NRXN1: variants seen among roughly 807,000 people sequenced by gnomAD.
The protein encoded by NRXN1 is neurexin 1, also known as neurexin-1.
Under a neutral mutation model 150.9 loss-of-function variants are expected in NRXN1, and 39 were observed. The observed-to-expected ratio is 0.26, with a 90% CI of 0.20 to 0.34. The LOEUF (loss-of-function observed/expected upper bound fraction) is 0.34, where lower values mean the gene tolerates loss of function less well. NRXN1 is among the 10% of genes least tolerant of loss of function. The pLI is 1.00. For synonymous variants in NRXN1, 924 were observed against 757.0 expected (o/e 1.22, Z -3.62); for missense variants, 1,815 against 1,949.9 (o/e 0.93, Z 1.30).
At chr2:50,418,209 C>T (rs143924493) in intron 17 of NRXN1, among the ~76,000 whole-genome samples, 1 of 152,040 alleles carries the variant, frequency 6.6e-6, no homozygotes, top group East Asian at 1.9e-4. Flanking sequence ...TCACTGAGCA[C>T]GTGCCTCTTC....
At chr2:50,154,411 G>T (rs2058888204) in intron 18 of NRXN1, among the ~76,000 whole-genome samples, 1 of 151,318 alleles carries the variant, frequency 6.6e-6, no homozygotes, top group South Asian at 2.1e-4. Flanking sequence ...AAGAAGCATG[G>T]GAATTGTAAA....
At chr2:50,246,923 T>C (rs528321002) in intron 17 of NRXN1, among the ~76,000 whole-genome samples, 1 of 152,114 alleles carries the variant, frequency 6.6e-6, no homozygotes, top group Non-Finnish European at 1.5e-5. Context: ...GGTATCCTTA[T>C]AAAAAATTAT....
chr2:50,791,589 T>A (rs910101503), intron 5 of NRXN1, among the ~76,000 whole-genome samples: 1 of 152,138 alleles, frequency 6.6e-6, no homozygotes. Flanking sequence ...ACACTGGAGA[T>A]CACAGAAGAC....
intron 4 of NRXN1, among the ~76,000 whole-genome samples, chr2:50,922,162 G>A (rs995864132): frequency 1.3e-5 from 2 of 151,822 alleles, no homozygotes; most frequent in African/African-American, 4.8e-5. Context: ...ATAAATCTAC[G>A]TAGAGAAAGT....
chr2:50,286,502 T>C (rs72823100), intron 17 of NRXN1, among the ~76,000 whole-genome samples: 9 of 152,330 alleles, frequency 5.9e-5, no homozygotes, highest in Non-Finnish European at 8.8e-5. Flanking sequence ...GTTGTGTATA[T>C]ATACCTTTTT....
intron 5 of NRXN1, among the ~76,000 whole-genome samples, chr2:50,693,196 T>C (rs1692317241): frequency 1.3e-5 from 2 of 152,076 alleles, no homozygotes; most frequent in African/African-American, 2.4e-5. Context: ...AAGGAGAGAA[T>C]ACAAAAGGAA....
intron 18 of NRXN1, among the ~76,000 whole-genome samples, chr2:50,149,819 T>C (rs998548756): frequency 2.6e-5 from 4 of 151,630 alleles, no homozygotes; most frequent in South Asian, 2.1e-4. Flanking sequence ...AAAGCAGTAG[T>C]TCTGACTCAA....
At chr2:50,160,748 G>A (rs887185864) in intron 18 of NRXN1, among the ~76,000 whole-genome samples, 1 of 152,184 alleles carries the variant, frequency 6.6e-6, no homozygotes, top group South Asian at 2.1e-4. Context: ...GGTCAGGTTT[G>A]TAATCTTTTC....
intron 17 of NRXN1, among the ~76,000 whole-genome samples, chr2:50,422,239 T>C (rs992301308): frequency 3.3e-5 from 5 of 152,144 alleles, no homozygotes; most frequent in Admixed American, 1.3e-4. Context: ...GAGGCTCTAA[T>C]TGCACACAAT....
chr2:50,592,327 A>G (rs562583225), intron 8 of NRXN1, among the ~76,000 whole-genome samples: 16 of 152,380 alleles, frequency 1.1e-4, no homozygotes, highest in African/African-American at 3.8e-4. Context: ...AGAGTGATCT[A>G]AACAGCCTGA....
chr2:50,392,060 T>C (rs2081748637), intron 17 of NRXN1, among the ~76,000 whole-genome samples: 1 of 152,188 alleles, frequency 6.6e-6, no homozygotes, highest in South Asian at 2.1e-4. Flanking sequence ...ATGATAATCA[T>C]TGAGGTGTCC....
Position 50,222,240 on chromosome 2 carries a change from T to C in NRXN1, c.3546+14549A>G, listed in dbSNP as rs569798616. On this transcript the variant is annotated intron_variant, in intron 18 of 22. Coordinates refer to ENST00000401669, the MANE Select transcript of NRXN1 (RefSeq NM_001330078.2). ...ACCTCCTTGGCCTACTGCTGCTTCA[T>C]GAATGCTGCCAGAATAGGGGAAAGT... is the stretch of plus-strand genomic sequence containing the variant. 2.6e-5 allele frequency among the ~76,000 whole-genome samples: 4 copies of C among 152,100 alleles called. No individual in the cohort carries two copies. The East Asian group carries it at 7.8e-4, about 30-fold the overall frequency.
intron 9 of NRXN1, among the ~76,000 whole-genome samples, chr2:50,543,650 C>G (rs1020192311): frequency 6.6e-6 from 1 of 152,032 alleles, no homozygotes; most frequent in African/African-American, 2.4e-5. Context: ...TAAAACAGCT[C>G]TTAGTTATAA....
intron 5 of NRXN1, among the ~76,000 whole-genome samples, chr2:50,740,332 C>A (rs1484726221): frequency 6.6e-6 from 1 of 152,170 alleles, no homozygotes; most frequent in Non-Finnish European, 1.5e-5. Context: ...TTGAAACATA[C>A]ACCCACCCAG....
intron 17 of NRXN1, among the ~76,000 whole-genome samples, chr2:50,244,268 G>A (rs933612653): frequency 6.6e-6 from 1 of 151,718 alleles, no homozygotes; most frequent in Non-Finnish European, 1.5e-5. Flanking sequence ...TAGATCCATG[G>A]CTGACCTATC....
rs1390719657 is a variant in NRXN1, at chr2:50,374,334, T to TAAAC, written c.3364+91107_3364+91108insGTTT. The stretch of plus-strand genomic sequence containing the variant: ...ATAAATAAATAAATAAATAAATAAA[T>TAAAC]AAATAAAATTGGGTGATGATTTCAT... On this transcript the variant is annotated intron_variant, in intron 17 of 22. Transcript: ENST00000401669. Among the ~76,000 whole-genome samples, 5 of 150,752 alleles carry TAAAC rather than the reference T, an allele frequency of 3.3e-5. No individual in the cohort carries two copies. In the South Asian group the frequency reaches 1.0e-3, roughly 32 times the overall value.
At chr2:50,233,253 T>A (rs538071279) in intron 18 of NRXN1, among the ~76,000 whole-genome samples, 78 of 152,154 alleles carry the variant, frequency 5.1e-4, no homozygotes, top group South Asian at 3.1e-3. Context: ...ACAATTTCAA[T>A]AGTAATATTA....
intron 5 of NRXN1, among the ~76,000 whole-genome samples, chr2:50,727,638 G>A (rs1025953759): frequency 2.6e-5 from 4 of 152,014 alleles, no homozygotes; most frequent in Admixed American, 6.5e-5. Context: ...TACACATATT[G>A]ATTAACATAA....
intron 5 of NRXN1, among the ~76,000 whole-genome samples, chr2:50,855,840 C>A (rs1202977905): frequency 6.6e-6 from 1 of 151,920 alleles, no homozygotes; most frequent in Non-Finnish European, 1.5e-5. Flanking sequence ...TCAAGACAAA[C>A]CTCTAAATAT....
Sources: gnomAD v4.1 joint callset for allele counts (sites outside exome capture counted in the v4.1 genomes callset) on GRCh38, gnomAD v4.1.1 for gene constraint, MANE v1.5 for transcripts, NCBI Gene and HGNC (gene_info 2026-07-23, HGNC 2026-07-21) for gene names.